Variants in TENM3 observed in about 807,000 individuals in gnomAD.
TENM3 encodes the protein teneurin transmembrane protein 3.
In TENM3, 63 loss-of-function variants were observed where a neutral mutation model predicts 255.1. That is an observed-to-expected ratio of 0.25 (90% confidence interval 0.20 to 0.30). The LOEUF (loss-of-function observed/expected upper bound fraction) is 0.30, where lower values mean the gene tolerates loss of function less well. Among genes scored for constraint, TENM3 ranks in the 10% least tolerant of loss-of-function variants. The pLI is 1.00. For missense variants in TENM3, 2,929 were observed against 3,461.1 expected (o/e 0.85, Z 3.86); for synonymous variants, 1,306 against 1,322.3 (o/e 0.99, Z 0.27).
At chr4:181,576,602 C>T in the TENM3 span, among the ~76,000 whole-genome samples, 1 of 152,024 alleles carries the variant, frequency 6.6e-6, no homozygotes, top group African/African-American at 2.4e-5. Context: ...CTATGGTCCC[C>T]CCACACATTC....
intron 3 of TENM3, among the ~76,000 whole-genome samples, chr4:182,556,297 ACC>A (rs1742581056): frequency 6.6e-6 from 1 of 152,220 alleles, no homozygotes; most frequent in Non-Finnish European, 1.5e-5. Flanking sequence ...TTGCTTAAGC[ACC>A]AGCTAGCTTC....
chr4:181,928,635 A>C, the TENM3 span, among the ~76,000 whole-genome samples: 1 of 152,142 alleles, frequency 6.6e-6, no homozygotes, highest in African/African-American at 2.4e-5. Context: ...GAACTTCCCC[A>C]GCCTAGCAAG....
At chr4:182,097,311 TCAA>T in the TENM3 span, among the ~76,000 whole-genome samples, 1 of 152,196 alleles carries the variant, frequency 6.6e-6, no homozygotes, top group African/African-American at 2.4e-5. Context: ...CACCTCCATG[TCAA>T]CAACACTAGC....
At chr4:182,061,942 G>T in the TENM3 span, among the ~76,000 whole-genome samples, 1 of 152,190 alleles carries the variant, frequency 6.6e-6, no homozygotes, top group East Asian at 1.9e-4. Flanking sequence ...GGGTGACAGA[G>T]CTGGACCCTG....
the TENM3 span, chr4:181,835,075 G>C: frequency 2.6e-5 from 4 of 152,114 alleles, no homozygotes; most frequent in African/African-American, 7.2e-5. Context: ...TGATCCGTGG[G>C]GTGGCTTGTC....
the TENM3 span, among the ~76,000 whole-genome samples, chr4:181,574,247 T>TC: frequency 3.3e-5 from 5 of 152,140 alleles, no homozygotes; most frequent in South Asian, 2.1e-4. Flanking sequence ...ATAAATGTCT[T>TC]CCGGCCGGGC....
At chr4:182,298,054 C>T (rs980592443) in intron 1 of TENM3, among the ~76,000 whole-genome samples, 3 of 152,176 alleles carry the variant, frequency 2.0e-5, no homozygotes, top group Non-Finnish European at 4.4e-5. Flanking sequence ...ACGTCACCTC[C>T]TTCAGAGAGC....
chr4:182,087,346 AATAAT>A, the TENM3 span, among the ~76,000 whole-genome samples: 1 of 152,198 alleles, frequency 6.6e-6, no homozygotes, highest in South Asian at 2.1e-4. Flanking sequence ...TTAAAACTGA[AATAAT>A]AAACTTTTGG....
intron 24 of TENM3, among the ~76,000 whole-genome samples, chr4:182,784,193 T>G (rs1354294598): frequency 6.6e-6 from 1 of 152,198 alleles, no homozygotes; most frequent in African/African-American, 2.4e-5. Flanking sequence ...TTTTATCTAC[T>G]TTTGGTCTTT....
intron 3 of TENM3, among the ~76,000 whole-genome samples, chr4:182,505,982 A>T (rs565566199): frequency 5.9e-5 from 9 of 152,334 alleles, no homozygotes; most frequent in African/African-American, 2.2e-4. Flanking sequence ...TTAAAAGAGG[A>T]TGCATCACAT....
chr4:182,052,606 C>G, the TENM3 span, among the ~76,000 whole-genome samples: 1 of 152,166 alleles, frequency 6.6e-6, no homozygotes, highest in African/African-American at 2.4e-5. Flanking sequence ...CAGCTCTTCA[C>G]CTCGGAGCTC....
At chr4:181,782,690 C>G in the TENM3 span, among the ~76,000 whole-genome samples, 1 of 152,270 alleles carries the variant, frequency 6.6e-6, no homozygotes, top group Non-Finnish European at 1.5e-5. Flanking sequence ...TCTTGCTTCT[C>G]TAGTTCTTTT....
At chr4:181,637,379 T>C in the TENM3 span, among the ~76,000 whole-genome samples, 1 of 152,208 alleles carries the variant, frequency 6.6e-6, no homozygotes, top group East Asian at 1.9e-4. Context: ...GTCCAGTGTG[T>C]TCAGCACATG....
At chr4:182,377,507 T>G (rs1193515376) in intron 3 of TENM3, among the ~76,000 whole-genome samples, 2 of 152,034 alleles carry the variant, frequency 1.3e-5, no homozygotes, top group Non-Finnish European at 2.9e-5. Context: ...AGAGATGAGG[T>G]TTCACCATGT....
the TENM3 span, among the ~76,000 whole-genome samples, chr4:181,801,413 G>C: frequency 0.015 from 2,320 of 152,032 alleles, 33 homozygotes; most frequent in Middle Eastern, 0.024. Flanking sequence ...CCTGGCTACT[G>C]TTTTCAAGCA....
the TENM3 span, among the ~76,000 whole-genome samples, chr4:182,044,286 A>G: frequency 1.8e-4 from 27 of 152,230 alleles, no homozygotes; most frequent in Admixed American, 1.7e-3. Flanking sequence ...AAAGAACTTC[A>G]AAAGAGTTTC....
chr4:182,590,211 T>C (rs1392853080), intron 3 of TENM3, among the ~76,000 whole-genome samples: 1 of 152,138 alleles, frequency 6.6e-6, no homozygotes, highest in Non-Finnish European at 1.5e-5. Flanking sequence ...AGATTTCTTA[T>C]TGTTCCCTTT....
the TENM3 span, among the ~76,000 whole-genome samples, chr4:181,925,482 G>A: frequency 9.2e-5 from 14 of 152,090 alleles, no homozygotes; most frequent in African/African-American, 2.9e-4. Flanking sequence ...TCACATTACC[G>A]GATTTCTAAT....
At chr4:181,747,022 A>T in the TENM3 span, among the ~76,000 whole-genome samples, 2 of 152,044 alleles carry the variant, frequency 1.3e-5, no homozygotes, top group African/African-American at 4.8e-5. Context: ...TTCTGTATTC[A>T]TGAAGTCAAT....
Sources: allele counts gnomAD v4.1 joint callset (sites outside exome capture counted in the v4.1 genomes callset), GRCh38; gene constraint gnomAD v4.1.1; transcripts MANE v1.5; gene names NCBI Gene and HGNC (gene_info 2026-07-23, HGNC 2026-07-21).